The following USP12 variants were observed in gnomAD, a reference collection of about 807,000 sequenced individuals.
USP12 encodes the protein ubiquitin carboxyl-terminal hydrolase 12.
Under a neutral mutation model 45.5 loss-of-function variants are expected in USP12, and 19 were observed. That is an observed-to-expected ratio of 0.42 (90% CI 0.29 to 0.61). The LOEUF is 0.61. USP12 is among the 20% of genes least tolerant of loss of function. The pLI, the probability that USP12 is intolerant of heterozygous loss-of-function variation, is 0.22. For missense variants in USP12, 242 were observed against 447.7 expected (o/e 0.54, Z 4.15); for synonymous variants, 149 against 148.8 (o/e 1.00, Z -0.01).
At chr13:27,074,836 T>C (rs1012325684) in intron 7 of USP12, among the ~76,000 whole-genome samples, 9 of 152,290 alleles carry the variant, frequency 5.9e-5, no homozygotes, top group East Asian at 5.8e-4. Flanking sequence ...TTTACAACCA[T>C]TGATATGCTG....
rs1874184626 is a variant in USP12 at position 27,088,766 on chromosome 13, TTC to T, written c.734+1115_734+1116del. Among the ~76,000 whole-genome samples, 8 of 152,326 alleles carry T rather than the reference TTC, an allele frequency of 5.3e-5. No homozygotes were observed. In the South Asian group the frequency reaches 1.7e-3, roughly 32 times the overall value. ...CTGACTTCTGGGTGCTTGCCTGGCT[TTC>T]TCTTTGCTGACTGTGTTTTGTATCC... On this transcript the variant is annotated intron_variant, in intron 6 of 8. Transcript: ENST00000282344.
intron 1 of USP12, among the ~76,000 whole-genome samples, chr13:27,171,120 G>T (rs1279469978): frequency 6.6e-6 from 1 of 150,480 alleles, no homozygotes; most frequent in East Asian, 2.0e-4. Context: ...CTCCCGCTCG[G>T]CGCGCGACCA....
Position 27,129,883 on chromosome 13 carries a change from A to C in USP12, c.49-13287T>G, listed in dbSNP as rs1015471061. Among the ~76,000 whole-genome samples the C allele has an allele frequency of 6.6e-6, 1 of 152,216 alleles. No individual in the cohort carries two copies. Among genetic ancestry groups the C allele is most frequent in the Non-Finnish European group, 1.5e-5 (1 of 68,030 alleles). On this transcript the variant is annotated intron_variant, in intron 1 of 8. Transcript: ENST00000282344. The surrounding 1 kb of genome is among the most constrained non-coding windows in gnomAD (Gnocchi z 4.0). ...CTGGCATGAAGCACGGTCACATCCA[A>C]AACATACGAGTGGAGTGACCAACAT...
At chr13:27,102,771 AT>A (rs1874932557) in intron 3 of USP12, among the ~76,000 whole-genome samples, 1 of 152,102 alleles carries the variant, frequency 6.6e-6, no homozygotes, top group African/African-American at 2.4e-5. Flanking sequence ...CACACAATTG[AT>A]GGCTGTCTGC....
intron 4 of USP12, among the ~76,000 whole-genome samples, chr13:27,094,153 C>T (rs912917442): frequency 2.0e-5 from 3 of 149,704 alleles, no homozygotes; most frequent in Admixed American, 1.3e-4. Context: ...TGTGTCTCCC[C>T]ACAGACTGCC....
intron 1 of USP12, among the ~76,000 whole-genome samples, chr13:27,143,629 G>T (rs1375459243): frequency 6.6e-6 from 1 of 152,100 alleles, no homozygotes. Context: ...GAAGACATTG[G>T]TGGTCTCCAC....
At chr13:27,155,066 C>CTTTTTTTTTTTTTTTTT (rs71083634) in intron 1 of USP12, among the ~76,000 whole-genome samples, 1 of 57,614 alleles carries the variant, frequency 1.7e-5, no homozygotes, top group African/African-American at 8.3e-5. Context: ...ATGTCCACAA[C>CTTTTTTTTTTTTTTTTT]TTTTTTTTTT....
At chr13:27,157,890 G>A (rs1877912844) in intron 1 of USP12, among the ~76,000 whole-genome samples, 1 of 152,106 alleles carries the variant, frequency 6.6e-6, no homozygotes, top group Non-Finnish European at 1.5e-5. Flanking sequence ...TATACACAAA[G>A]CTGGTCTCCC....
At chr13:27,070,272 C>T (rs1873184354) in intron 8 of USP12, among the ~76,000 whole-genome samples, 1 of 152,026 alleles carries the variant, frequency 6.6e-6, no homozygotes, top group African/African-American at 2.4e-5. Flanking sequence ...GATAGAAGTC[C>T]AAATAGCAGG....
chr13:27,112,515 G>A (rs531145442), intron 2 of USP12, among the ~76,000 whole-genome samples: 48 of 151,470 alleles, frequency 3.2e-4, no homozygotes, highest in Non-Finnish European at 5.2e-4. Context: ...TCAGATTTCT[G>A]GGCTCAAAGC....
chr13:27,124,901 A>C (rs1876155343), intron 1 of USP12, among the ~76,000 whole-genome samples: 1 of 152,252 alleles, frequency 6.6e-6, no homozygotes, highest in Non-Finnish European at 1.5e-5. Context: ...TTTATGACAA[A>C]ACACATTATA....
intron 2 of USP12, among the ~76,000 whole-genome samples, chr13:27,113,660 T>C (rs962327323): frequency 1.3e-5 from 2 of 152,212 alleles, no homozygotes; most frequent in Admixed American, 1.3e-4. Flanking sequence ...CAAATTACTG[T>C]CGTGTTATCA....
At chr13:27,155,324 G>A (rs1335845739) in intron 1 of USP12, among the ~76,000 whole-genome samples, 3 of 151,774 alleles carry the variant, frequency 2.0e-5, no homozygotes, top group Admixed American at 6.6e-5. Flanking sequence ...CTCGTGATCT[G>A]CCCGCCTTGG....
chr13:27,170,198 C>A, intron 1 of USP12: 3 of 397,738 alleles, frequency 7.5e-6, no homozygotes, highest in Middle Eastern at 6.3e-4. Flanking sequence ...TTCAATGATT[C>A]ATCCTTCAAT....
chr13:27,098,557 A>G (rs1874707214), intron 3 of USP12, among the ~76,000 whole-genome samples: 1 of 152,210 alleles, frequency 6.6e-6, no homozygotes, highest in African/African-American at 2.4e-5. Flanking sequence ...GTTTCCATCC[A>G]GTGTTAGCTT....
chr13:27,097,945 C>CA (rs1874669360), intron 3 of USP12, among the ~76,000 whole-genome samples: 1 of 150,034 alleles, frequency 6.7e-6, no homozygotes, highest in African/African-American at 2.4e-5. Flanking sequence ...TCATTTGTTT[C>CA]ATATACACCT....
In USP12 at chr13:27,150,191, T is replaced by C. The variant is rs1877505788; in HGVS notation, c.48+21401A>G. Among the ~76,000 whole-genome samples, 2 of 152,210 alleles carry C rather than the reference T, an allele frequency of 1.3e-5. 1 individual carries two copies. Among genetic ancestry groups the C allele is most frequent in the South Asian group, 4.1e-4 (2 of 4,834 alleles). On this transcript the variant is annotated intron_variant, in intron 1 of 8. Transcript: ENST00000282344. ...CACATTGTATACCTGTATCAAAATA[T>C]CACACTGTACCCCACAAATACATAC...
intron 1 of USP12, among the ~76,000 whole-genome samples, chr13:27,123,959 T>C (rs1876114157): frequency 6.6e-6 from 1 of 152,198 alleles, no homozygotes; most frequent in South Asian, 2.1e-4. Context: ...AGTGAAATAA[T>C]AATAGGTTGA....
chr13:27,121,530 G>C (rs1875985206), intron 1 of USP12, among the ~76,000 whole-genome samples: 1 of 152,066 alleles, frequency 6.6e-6, no homozygotes, highest in African/African-American at 2.4e-5. Context: ...CCATGAATAA[G>C]AGCCCCATGA....
Sources: gnomAD v4.1 joint callset for allele counts (sites outside exome capture counted in the v4.1 genomes callset) on GRCh38, gnomAD v4.1.1 for gene constraint, Gnocchi (gnomAD v3.1) non-coding constraint, MANE v1.5 for transcripts, NCBI Gene and HGNC (gene_info 2026-07-23, HGNC 2026-07-21) for gene names.